SMC6: variants seen among roughly 807,000 people sequenced by gnomAD.
SMC6 encodes structural maintenance of chromosomes protein 6.
In SMC6, 79 loss-of-function variants were observed where a neutral mutation model predicts 142.2. The observed-to-expected ratio is 0.56, with a 90% CI of 0.46 to 0.67. The LOEUF (loss-of-function observed/expected upper bound fraction) is 0.67. Ranked by LOEUF, SMC6 falls within the 30% of genes least tolerant of loss-of-function variation. The pLI, the probability that SMC6 is intolerant of heterozygous loss-of-function variation, is 0.00. For missense variants in SMC6, 1,072 were observed against 1,284.0 expected (o/e 0.83, Z 2.52); for synonymous variants, 411 against 412.4 (o/e 1.00, Z 0.04).
In SMC6 at chr2:17,752,986, C is replaced by G; in HGVS notation, c.-14G>C. 1 of 983,052 alleles carries G rather than the reference C, an allele frequency of 1.0e-6. No individual in the cohort carries two copies. Among genetic ancestry groups the G allele is most frequent in the Non-Finnish European group, 1.2e-6 (1 of 827,758 alleles). 60.9% of individuals were successfully genotyped at this position (983,052 alleles called of 1,614,324 possible). ...AATTTTCACAGTATTACCTCAAACC[C>G]TATTGGTTCTACAACCTTTCTCTAC... On this transcript the variant is annotated 5_prime_UTR_variant, in exon 2 of 28. Transcript: ENST00000448223.
At chr2:17,732,682 G>T (rs553547409) in intron 5 of SMC6, among the ~76,000 whole-genome samples, 165 of 148,820 alleles carry the variant, frequency 1.1e-3, no homozygotes, top group African/African-American at 4.1e-3. Context: ...CTGGGCGACA[G>T]AGAGAGACTC....
chr2:17,713,270 T>C (rs1425395507), intron 16 of SMC6: 2 of 331,876 alleles, frequency 6.0e-6, no homozygotes, highest in Admixed American at 4.1e-5. Flanking sequence ...TTTTGTATCT[T>C]AAGCAGACTT....
At chr2:17,713,804 C>T (rs1012960809) in intron 16 of SMC6, among the ~76,000 whole-genome samples, 4 of 152,214 alleles carry the variant, frequency 2.6e-5, no homozygotes, top group Admixed American at 1.3e-4. Flanking sequence ...CATGCTTCCA[C>T]GCATTTTGCA....
chr2:17,685,122 CAAAATGAA>C (rs1667392158), intron 23 of SMC6, among the ~76,000 whole-genome samples: 1 of 92,218 alleles, frequency 1.1e-5, no homozygotes, highest in African/African-American at 7.0e-5. Context: ...GAAAATCAAG[CAAAATGAA>C]AAAAAAAGAC....
At chr2:17,684,092 G>A (rs991880907) in intron 23 of SMC6, among the ~76,000 whole-genome samples, 2 of 152,070 alleles carry the variant, frequency 1.3e-5, no homozygotes, top group South Asian at 2.1e-4. Context: ...AAAAGGGAAG[G>A]GGTCACACTG....
At chr2:17,705,879 T>G (rs547972362) in intron 18 of SMC6, among the ~76,000 whole-genome samples, 1 of 152,284 alleles carries the variant, frequency 6.6e-6, no homozygotes, top group South Asian at 2.1e-4. Context: ...GTGAGTTGTT[T>G]GTGTGGGATG....
chr2:17,679,990 T>C (rs1448639802), intron 24 of SMC6: 1 of 152,226 alleles, frequency 6.6e-6, no homozygotes, highest in East Asian at 1.9e-4. Flanking sequence ...AAATCACTGA[T>C]AGCCTGAGTT....
intron 16 of SMC6, among the ~76,000 whole-genome samples, chr2:17,714,507 G>A (rs1668985520): frequency 6.6e-6 from 1 of 152,108 alleles, no homozygotes; most frequent in Non-Finnish European, 1.5e-5. Flanking sequence ...TGCTCTTCAC[G>A]GATTCTGTGA....
At chr2:17,749,353 A>G (rs1221039671) in intron 2 of SMC6, among the ~76,000 whole-genome samples, 1 of 152,198 alleles carries the variant, frequency 6.6e-6, no homozygotes. Flanking sequence ...ACAGGATACA[A>G]GCAGGAACAA....
At chr2:17,700,083 T>C (rs1183084883) in intron 21 of SMC6, 125 bp downstream of exon 21, 4 of 546,144 alleles carry the variant, frequency 7.3e-6, no homozygotes, top group Middle Eastern at 4.9e-4. Context: ...CACCATTCTT[T>C]ATATTCAATT....
chr2:17,678,589 G>T (rs1278314788), intron 25 of SMC6, among the ~76,000 whole-genome samples: 1 of 146,416 alleles, frequency 6.8e-6, no homozygotes, highest in African/African-American at 2.6e-5. Context: ...GCAACATAGT[G>T]AGACCTTGTC....
intron 16 of SMC6, among the ~76,000 whole-genome samples, chr2:17,714,319 C>T (rs1668975561): frequency 6.6e-6 from 1 of 152,046 alleles, no homozygotes; most frequent in African/African-American, 2.4e-5. Context: ...GTCTTGAACT[C>T]CTGAGCTCAA....
intron 11 of SMC6, 38 bp from the exon 12 acceptor site, chr2:17,718,261 TC>T: frequency 6.9e-7 from 1 of 1,448,032 alleles, no homozygotes. Context: ...TATTTTTTCT[TC>T]AATAGAGAGA....
intron 7 of SMC6, among the ~76,000 whole-genome samples, chr2:17,727,370 T>C (rs528490660): frequency 6.6e-6 from 1 of 152,192 alleles, no homozygotes; most frequent in Non-Finnish European, 1.5e-5. Flanking sequence ...CAAAACTGTA[T>C]GCTTCCTGCT....
chr2:17,722,999 T>TA lies in SMC6; in HGVS notation c.727-1739dup, dbSNP rs372729861. Among the ~76,000 whole-genome samples the TA allele has an allele frequency of 7.9e-3, 1,092 of 137,854 alleles. 8 individuals carry two copies. The highest frequency in any genetic ancestry group is 0.025 in the African/African-American group (948 of 37,870). The allele number at this position is 137,854 out of a possible 152,430, so 90.4% of individuals were successfully genotyped here. A position where few individuals can be genotyped will look rare whatever the true frequency, so the allele number is the denominator to read the frequency against. On this transcript the variant is annotated intron_variant, in intron 9 of 27. Coordinates refer to ENST00000448223, the MANE Select transcript of SMC6 (RefSeq NM_001142286.2). ...TGTTCAAAATATAATTCAGCTTTCTTAAAAAAAAAAAAAAGAAAAGAAAGG... is the reference window on the plus strand; with the variant it reads ...TGTTCAAAATATAATTCAGCTTTCTTAAAAAAAAAAAAAAAGAAAAGAAAGG...
chr2:17,718,212 A>G lies in SMC6; in HGVS notation c.957T>C (p.Asn319=). 1 of 1,598,470 alleles carries G rather than the reference A, an allele frequency of 6.3e-7. No homozygotes were observed. The highest frequency in any genetic ancestry group is 8.5e-7 in the Non-Finnish European group (1 of 1,173,004). Residue 319 remains asparagine (N), a synonymous_variant, in exon 12 of 28, where the codon AAT becomes AAC. Coordinates refer to ENST00000448223, the MANE Select transcript of SMC6 (RefSeq NM_001142286.2). ...RKMEEQQVRL[N]EAEQKYKDIQ... ...TATCCTTGTACTTTTGTTCTGCCTC[A>G]TTAAGTCTGACCTTTAAGAAAATAA...
Position 17,664,044 on chromosome 2 carries a change from G to T in SMC6, c.*1455C>A, listed in dbSNP as rs1666388817. On this transcript the variant is annotated 3_prime_UTR_variant, in exon 28 of 28. Coordinates refer to ENST00000448223, the MANE Select transcript of SMC6 (RefSeq NM_001142286.2). Reference sequence around the variant, plus strand: ...TATGTTTCCCATTCTGTATGAAAGAGCACAACATTCAAAACTACAACAAAA... The same window carrying T: ...TATGTTTCCCATTCTGTATGAAAGATCACAACATTCAAAACTACAACAAAA... 1 of 152,204 alleles carries T rather than the reference G, an allele frequency of 6.6e-6. No homozygotes were observed. Among genetic ancestry groups the T allele is most frequent in the Non-Finnish European group, 1.5e-5 (1 of 68,042 alleles). The allele number at this position is 152,204 out of a possible 1,614,324, so 9.4% of individuals were successfully genotyped here. A position where few individuals can be genotyped will look rare whatever the true frequency, so the allele number is the denominator to read the frequency against.
chr2:17,729,483 C>G (rs1669804255), intron 7 of SMC6, among the ~76,000 whole-genome samples: 1 of 152,146 alleles, frequency 6.6e-6, no homozygotes, highest in East Asian at 1.9e-4. Context: ...CAGCTGTCCA[C>G]AGAAGAAGGA....
At chr2:17,698,902 C>T (rs1451227859) in intron 21 of SMC6, among the ~76,000 whole-genome samples, 6 of 152,038 alleles carry the variant, frequency 3.9e-5, no homozygotes, top group Non-Finnish European at 7.4e-5. Context: ...ATCACAGTCT[C>T]CTGGCATAAT....
Sources: allele counts gnomAD v4.1 joint callset (sites outside exome capture counted in the v4.1 genomes callset), GRCh38; gene constraint gnomAD v4.1.1; transcripts MANE v1.5; gene names NCBI Gene and HGNC (gene_info 2026-07-23, HGNC 2026-07-21).